Variants in RORA observed in about 807,000 individuals in gnomAD.
RORA encodes nuclear receptor ROR-alpha.
A neutral mutation model predicts 69.5 loss-of-function variants in RORA; 7 were observed. The observed-to-expected ratio is 0.10, with a 90% CI of 0.06 to 0.19. The LOEUF (loss-of-function observed/expected upper bound fraction) is 0.19. RORA is among the 10% of genes least tolerant of loss of function. The pLI is 1.00. For synonymous variants in RORA, 261 were observed against 240.8 expected (o/e 1.08, Z -0.78); for missense variants, 457 against 663.0 (o/e 0.69, Z 3.41).
At chr15:60,644,989 AGTC>A (rs2070012400) in intron 2 of RORA, among the ~76,000 whole-genome samples, 2 of 152,212 alleles carry the variant, frequency 1.3e-5, no homozygotes, top group Non-Finnish European at 2.9e-5. Flanking sequence ...TCGTTAACTG[AGTC>A]ATCTATAGAA....
At chr15:60,761,604 G>C (rs2071892997) in intron 1 of RORA, among the ~76,000 whole-genome samples, 2 of 152,090 alleles carry the variant, frequency 1.3e-5, no homozygotes, top group South Asian at 4.1e-4. Context: ...TCACTTACCA[G>C]CTTGGAGAAG....
rs548367912 is a variant in RORA, at chr15:60,930,250, A to G, written c.167-251564T>C. ...TGATATGCCAGTCTCCTCCTACTCTACCCTATTTTCCAGCTAAGAAATACT... is the reference window on the plus strand; with the variant it reads ...TGATATGCCAGTCTCCTCCTACTCTGCCCTATTTTCCAGCTAAGAAATACT... On this transcript the variant is annotated intron_variant, in intron 1 of 10. Transcript: ENST00000335670. Among the ~76,000 whole-genome samples the G allele has an allele frequency of 2.6e-5, 4 of 151,916 alleles. No individual in the cohort carries two copies. In the South Asian group the frequency reaches 8.3e-4, roughly 32 times the overall value.
In RORA at chr15:60,951,844, C is replaced by T. The variant is rs1200879217; in HGVS notation, c.167-273158G>A. On this transcript the variant is annotated intron_variant, in intron 1 of 10. Coordinates refer to ENST00000335670, the MANE Select transcript of RORA (RefSeq NM_134261.3). ...GTCCAGGACCAGATGGATTCACAGC[C>T]GAATTCTATCAGAGGTACAAGGAGG... 1.3e-5 allele frequency among the ~76,000 whole-genome samples: 2 copies of T among 151,858 alleles called. 1 individual carries two copies. Among genetic ancestry groups the T allele is most frequent in the Admixed American group, 1.3e-4 (2 of 15,258 alleles).
chr15:60,592,618 G>A (rs2068563132), intron 2 of RORA: 78 of 1,162,280 alleles, frequency 6.7e-5, no homozygotes, highest in Non-Finnish European at 7.8e-5. Flanking sequence ...GCGCCCCTCC[G>A]CTTCCTCCCG....
intron 1 of RORA, among the ~76,000 whole-genome samples, chr15:60,980,971 A>AT (rs1253656778): frequency 6.6e-6 from 1 of 151,452 alleles, no homozygotes; most frequent in African/African-American, 2.4e-5. Context: ...TTGAGTTCAG[A>AT]TTTTTTTTAT....
At chr15:60,938,073 T>C (rs960663314) in intron 1 of RORA, among the ~76,000 whole-genome samples, 5 of 152,294 alleles carry the variant, frequency 3.3e-5, no homozygotes, top group East Asian at 1.9e-4. Flanking sequence ...AGGTTCAAGA[T>C]AGGTTTTTCC....
At chr15:61,118,873 A>T (rs2079074227) in intron 1 of RORA, among the ~76,000 whole-genome samples, 1 of 152,198 alleles carries the variant, frequency 6.6e-6, no homozygotes. Flanking sequence ...CAGACAGAGC[A>T]GGTGTTAAGG....
chr15:60,798,385 A>G (rs1349709306), intron 1 of RORA, among the ~76,000 whole-genome samples: 2 of 152,118 alleles, frequency 1.3e-5, no homozygotes, highest in Non-Finnish European at 2.9e-5. Flanking sequence ...CTTGTTCAAG[A>G]TTTGTCTCAG....
intron 4 of RORA, 94 bp downstream of exon 4, chr15:60,514,522 C>T: frequency 8.2e-7 from 1 of 1,216,732 alleles, no homozygotes; most frequent in Non-Finnish European, 1.2e-6. Flanking sequence ...GAGGAGGGGG[C>T]AGGCGGGGCA....
intron 2 of RORA, among the ~76,000 whole-genome samples, chr15:60,611,759 C>A (rs2069098430): frequency 6.6e-6 from 1 of 152,020 alleles, no homozygotes; most frequent in Non-Finnish European, 1.5e-5. Flanking sequence ...GCCATCCTCA[C>A]TCTTTCATCA....
At chr15:61,190,745 CT>C (rs1448517881) in intron 1 of RORA, among the ~76,000 whole-genome samples, 1 of 151,020 alleles carries the variant, frequency 6.6e-6, no homozygotes, top group Non-Finnish European at 1.5e-5. Flanking sequence ...AAGACTCTGT[CT>C]CAAAAAAAGA....
In RORA at chr15:61,229,240, C is replaced by T; in HGVS notation, c.-22G>A. On this transcript the variant is annotated 5_prime_UTR_variant, in exon 1 of 11. Transcript: ENST00000335670. The stretch of plus-strand genomic sequence containing the variant: ...CCATGTTTTTTCCCAATGTAGAGAT[C>T]GCTGGAGATGGCGAGCTCCGAGACT... 1 of 1,258,852 alleles carries T rather than the reference C, an allele frequency of 7.9e-7. No individual in the cohort carries two copies. Among genetic ancestry groups the T allele is most frequent in the Non-Finnish European group, 1.0e-6 (1 of 986,436 alleles). 78.0% of individuals were successfully genotyped at this position (1,258,852 alleles called of 1,614,324 possible). A position where few individuals can be genotyped will look rare whatever the true frequency, so the allele number is the denominator to read the frequency against.
intron 2 of RORA, chr15:60,557,005 C>A: frequency 8.2e-7 from 1 of 1,219,202 alleles, no homozygotes; most frequent in Non-Finnish European, 1.2e-6. Flanking sequence ...CATAGCACAT[C>A]CCCAAATGCT....
chr15:61,093,278 A>G (rs1305663961), intron 1 of RORA, among the ~76,000 whole-genome samples: 1 of 152,230 alleles, frequency 6.6e-6, no homozygotes, highest in African/African-American at 2.4e-5. Flanking sequence ...GTTCCTACCA[A>G]TATGAACGCA....
intron 1 of RORA, among the ~76,000 whole-genome samples, chr15:60,754,907 A>C (rs2071775265): frequency 6.6e-6 from 1 of 151,486 alleles, no homozygotes; most frequent in Admixed American, 6.6e-5. Context: ...TGGGTTGTGT[A>C]TGCTCAGTCT....
At chr15:60,867,321 T>C (rs2073500976) in intron 1 of RORA, among the ~76,000 whole-genome samples, 1 of 152,176 alleles carries the variant, frequency 6.6e-6, no homozygotes, top group South Asian at 2.1e-4. Flanking sequence ...AACATGTAGA[T>C]TGACATCTTA....
intron 1 of RORA, among the ~76,000 whole-genome samples, chr15:61,185,309 T>C (rs1202895818): frequency 6.6e-6 from 1 of 151,960 alleles, no homozygotes; most frequent in Admixed American, 6.6e-5. Flanking sequence ...GTTGATCCCA[T>C]CTTTTTTTTT....
chr15:60,828,527 G>A (rs118022780), intron 1 of RORA, among the ~76,000 whole-genome samples: 2 of 152,274 alleles, frequency 1.3e-5, no homozygotes, highest in East Asian at 3.9e-4. Context: ...GACTGAGGCC[G>A]CTGAGTGTGG....
chr15:61,071,908 G>C (rs1036027270), intron 1 of RORA, among the ~76,000 whole-genome samples: 1 of 152,002 alleles, frequency 6.6e-6, no homozygotes, highest in Non-Finnish European at 1.5e-5. Flanking sequence ...GGGTGGGACA[G>C]GGTATAGTGA....
Sources: allele counts gnomAD v4.1 joint callset (sites outside exome capture counted in the v4.1 genomes callset), GRCh38; gene constraint gnomAD v4.1.1; transcripts MANE v1.5; gene names NCBI Gene and HGNC (gene_info 2026-07-23, HGNC 2026-07-21).